The following PIK3C2G variants were observed in gnomAD, a reference collection of about 807,000 sequenced individuals.
PIK3C2G encodes the protein phosphatidylinositol-4-phosphate 3-kinase catalytic subunit type 2 gamma.
A neutral mutation model predicts 181.1 loss-of-function variants in PIK3C2G; 168 were observed. That is an observed-to-expected ratio of 0.93 (90% CI 0.82 to 1.05). PIK3C2G has a LOEUF of 1.05. Among genes scored for constraint, PIK3C2G ranks in the 50% least tolerant of loss-of-function variants. The probability of loss-of-function intolerance (pLI) is 0.00; values close to 1 mark genes in which losing one functional copy is unlikely to be tolerated. For missense variants in PIK3C2G, 1,869 were observed against 1,732.8 expected (o/e 1.08, Z -1.40); for synonymous variants, 573 against 592.2 (o/e 0.97, Z 0.47).
At chr12:18,721,075 A>T in the PIK3C2G span, among the ~76,000 whole-genome samples, 6 of 152,110 alleles carry the variant, frequency 3.9e-5, no homozygotes, top group Non-Finnish European at 8.8e-5. Context: ...TGAATCATGC[A>T]TTGTAACAGT....
the PIK3C2G span, among the ~76,000 whole-genome samples, chr12:18,689,031 G>T: frequency 1.3e-5 from 2 of 152,118 alleles, no homozygotes; most frequent in South Asian, 4.1e-4. Flanking sequence ...ACACTAATGT[G>T]TGATTTTTCC....
At position 18,522,420 on chromosome 12, in the gene PIK3C2G, T is replaced by C. The variant is rs74749828; in HGVS notation, c.3324-15736T>C. 6.0e-3 allele frequency among the ~76,000 whole-genome samples: 921 copies of C among 152,284 alleles called. 2 individuals are homozygous for C. Among genetic ancestry groups the C allele is most frequent in the Middle Eastern group, 0.01 (3 of 294 alleles). On this transcript the variant is annotated intron_variant, in intron 24 of 32. Coordinates refer to ENST00000538779, the MANE Select transcript of PIK3C2G (RefSeq NM_001288772.2). The stretch of plus-strand genomic sequence containing the variant: ...TAGCTTAAATAACTCCCATTAGCAA[T>C]TCCTGTAAAACAGGGCTAGTGGTGA...
the PIK3C2G span, among the ~76,000 whole-genome samples, chr12:18,697,453 T>C: frequency 5.3e-5 from 8 of 152,190 alleles, no homozygotes. Flanking sequence ...TTCTGAGTCT[T>C]AATGTTTCTC....
At chr12:18,367,626 C>A (rs536670081) in intron 12 of PIK3C2G, among the ~76,000 whole-genome samples, 1 of 150,624 alleles carries the variant, frequency 6.6e-6, no homozygotes, top group African/African-American at 2.4e-5. Flanking sequence ...GTGATCTCGG[C>A]TCACTGCAAC....
rs572979166 is a variant in PIK3C2G, at chr12:18,488,516, C to T, written c.2572C>T (p.Gln858Ter). Residue 858 changes from glutamine (Q) to a stop codon, truncating the protein, a stop_gained, in exon 19 of 33, where the codon CAA becomes TAA. Coordinates refer to ENST00000538779, the MANE Select transcript of PIK3C2G (RefSeq NM_001288772.2). LOFTEE classifies it high-confidence loss of function. Reference sequence around the variant, plus strand: ...GTATCAGAAGCTACTAGCTGCTCTCCAATTCTGTGCAGGTAAAGCCTTGAA... The same window carrying T: ...GTATCAGAAGCTACTAGCTGCTCTCTAATTCTGTGCAGGTAAAGCCTTGAA... Reference protein sequence around the residue: ...SWYQKLLAALQFCAGKALNDE... With the variant: ...SWYQKLLAAL The T allele has an allele frequency of 3.2e-6, 5 of 1,584,808 alleles. No homozygotes were observed. Among genetic ancestry groups the T allele is most frequent in the Admixed American group, 1.8e-5 (1 of 56,234 alleles).
chr12:18,602,479 T>C (rs1947787459), intron 30 of PIK3C2G, among the ~76,000 whole-genome samples: 1 of 151,310 alleles, frequency 6.6e-6, no homozygotes, highest in Non-Finnish European at 1.5e-5. Flanking sequence ...CATATAATTG[T>C]GGGAGTTCTA....
intron 8 of PIK3C2G, among the ~76,000 whole-genome samples, chr12:18,329,884 T>A (rs1937745402): frequency 6.6e-6 from 1 of 152,126 alleles, no homozygotes; most frequent in South Asian, 2.1e-4. Flanking sequence ...TGTAATGCTA[T>A]CTTTGTATTA....
At chr12:18,688,387 C>T in the PIK3C2G span, among the ~76,000 whole-genome samples, 6 of 151,996 alleles carry the variant, frequency 3.9e-5, no homozygotes, top group Non-Finnish European at 5.9e-5. Context: ...CTTTTATCCT[C>T]AGTTATCAGT....
At chr12:18,680,094 A>G in the PIK3C2G span, among the ~76,000 whole-genome samples, 1 of 152,042 alleles carries the variant, frequency 6.6e-6, no homozygotes, top group Admixed American at 6.6e-5. Flanking sequence ...TTGGAAAGTA[A>G]TGTAATTAAA....
chr12:18,456,626 T>C (rs1339465955), intron 18 of PIK3C2G, among the ~76,000 whole-genome samples: 1 of 152,150 alleles, frequency 6.6e-6, no homozygotes, highest in African/African-American at 2.4e-5. Flanking sequence ...TCCTTTACTG[T>C]ACACTTGGTT....
intron 6 of PIK3C2G, among the ~76,000 whole-genome samples, chr12:18,318,807 A>G (rs1950980772): frequency 6.6e-6 from 1 of 151,826 alleles, no homozygotes; most frequent in Non-Finnish European, 1.5e-5. Flanking sequence ...AAAAAAAAAA[A>G]AAGCAGGCCA....
At chr12:18,570,680 A>G (rs1483416133) in intron 29 of PIK3C2G, among the ~76,000 whole-genome samples, 1 of 150,110 alleles carries the variant, frequency 6.7e-6, no homozygotes, top group Non-Finnish European at 1.5e-5. Context: ...TGCAGGTTCT[A>G]TAGAGTTGAA....
At chr12:18,358,221 A>C (rs1940919476) in intron 11 of PIK3C2G, among the ~76,000 whole-genome samples, 1 of 152,106 alleles carries the variant, frequency 6.6e-6, no homozygotes, top group Non-Finnish European at 1.5e-5. Context: ...CTTTAGGCTG[A>C]GTTTATTTAC....
At chr12:18,391,653 TAA>T (rs1317847926) in intron 15 of PIK3C2G, among the ~76,000 whole-genome samples, 9 of 152,074 alleles carry the variant, frequency 5.9e-5, no homozygotes, top group Admixed American at 2.0e-4. Context: ...AGAAAAGAAA[TAA>T]GTCTTGTTTT....
At chr12:18,285,820 T>G in intron 2 of PIK3C2G, among the ~76,000 whole-genome samples, 1 of 151,778 alleles carries the variant, frequency 6.6e-6, no homozygotes, top group Middle Eastern at 3.4e-3. Context: ...CAAATATAAA[T>G]AAGACAGTCT....
intron 16 of PIK3C2G, among the ~76,000 whole-genome samples, chr12:18,402,177 TA>T (rs750068831): frequency 2.6e-5 from 4 of 152,130 alleles, no homozygotes; most frequent in Admixed American, 1.3e-4. Context: ...CCATACAACA[TA>T]ATATTATTTG....
intron 24 of PIK3C2G, among the ~76,000 whole-genome samples, chr12:18,521,428 C>G (rs533342807): frequency 6.6e-6 from 1 of 152,204 alleles, no homozygotes; most frequent in South Asian, 2.1e-4. Context: ...GATCAGAGTT[C>G]TGTCCCCAAG....
At chr12:18,295,513 A>C (rs1247424108) in intron 5 of PIK3C2G, among the ~76,000 whole-genome samples, 3 of 152,168 alleles carry the variant, frequency 2.0e-5, no homozygotes, top group African/African-American at 7.2e-5. Context: ...GGAAAAGTAT[A>C]ATGTGGAGAA....
intron 13 of PIK3C2G, among the ~76,000 whole-genome samples, chr12:18,379,766 C>T (rs531410501): frequency 6.6e-6 from 1 of 152,290 alleles, no homozygotes; most frequent in African/African-American, 2.4e-5. Flanking sequence ...GACTCAGGCT[C>T]TCACAGGCAC....
Sources: gnomAD v4.1 joint callset for allele counts (sites outside exome capture counted in the v4.1 genomes callset) on GRCh38, gnomAD v4.1.1 for gene constraint, MANE v1.5 for transcripts, NCBI Gene and HGNC (gene_info 2026-07-23, HGNC 2026-07-21) for gene names.